The following IFT88 variants were observed in gnomAD, a reference collection of about 807,000 sequenced individuals.
The protein encoded by IFT88 is intraflagellar transport 88.
Under a neutral mutation model 119.5 loss-of-function variants are expected in IFT88, and 74 were observed. The ratio of observed to expected loss-of-function variants is 0.62; its 90% CI spans 0.51 to 0.75. The LOEUF (loss-of-function observed/expected upper bound fraction) is 0.75, where lower values mean the gene tolerates loss of function less well. Among genes scored for constraint, IFT88 ranks in the 30% least tolerant of loss-of-function variants. IFT88 has a pLI of 0.00. For missense variants in IFT88, 961 were observed against 977.7 expected (o/e 0.98, Z 0.23); for synonymous variants, 279 against 316.7 (o/e 0.88, Z 1.26).
At position 20,645,015 on chromosome 13, in the gene IFT88, T is replaced by A; in HGVS notation, c.1949+57T>A. The A allele has an allele frequency of 1.0e-5, 8 of 776,906 alleles. 1 individual carries two copies. In the Admixed American group the frequency reaches 1.7e-4, roughly 16 times the overall value. The allele number at this position is 776,906 out of a possible 1,614,324, so 48.1% of individuals were successfully genotyped here. A position where few individuals can be genotyped will look rare whatever the true frequency, so the allele number is the denominator to read the frequency against. ...AATGTCATGTCTTGAGTTTTTTTAA[T>A]CCCTAGAATTAGTATCTGATAGACC... On this transcript the variant is annotated intron_variant, in intron 20 of 25. Coordinates refer to ENST00000351808, the MANE Select transcript of IFT88 (RefSeq NM_006531.5).
intron 3 of IFT88, among the ~76,000 whole-genome samples, chr13:20,586,256 G>C (rs1245104069): frequency 1.3e-5 from 2 of 152,076 alleles, no homozygotes; most frequent in African/African-American, 4.8e-5. Context: ...TATTACATGG[G>C]AAAAAGTTTT....
In IFT88 at chr13:20,605,089, CA is replaced by C; in HGVS notation, c.1099del (p.Met367TrpfsTer14). On this transcript the variant is annotated frameshift_variant, in exon 13 of 26. Coordinates refer to ENST00000351808, the MANE Select transcript of IFT88 (RefSeq NM_006531.5). LOFTEE classifies it high-confidence loss of function. ...TEAIKNDHLRQMERERKAMAE... is the reference protein window; with the variant it reads ...TEAIKNDHLRXMERERKAMAE... ...AGCTATAAAAAATGATCACCTCAGG[CA>C]AATGGAACGTGAAAGGTAATATTTT... 1 of 1,457,318 alleles carries C rather than the reference CA, an allele frequency of 6.9e-7. No homozygotes were observed. Among genetic ancestry groups the C allele is most frequent in the Non-Finnish European group, 9.6e-7 (1 of 1,045,258 alleles). The allele number at this position is 1,457,318 out of a possible 1,614,324, so 90.3% of individuals were successfully genotyped here.
At chr13:20,669,803 AAG>A in intron 23 of IFT88, among the ~76,000 whole-genome samples, 1 of 152,276 alleles carries the variant, frequency 6.6e-6, no homozygotes, top group African/African-American at 2.4e-5. Flanking sequence ...TTTTGAAATA[AAG>A]TCAGATTATG....
chr13:20,568,934 ATGG>A (rs1198043772), intron 1 of IFT88, among the ~76,000 whole-genome samples: 1 of 151,802 alleles, frequency 6.6e-6, no homozygotes, highest in Non-Finnish European at 1.5e-5. Context: ...GTTAGCCAGG[ATGG>A]TCTCGATCTC....
intron 13 of IFT88, among the ~76,000 whole-genome samples, chr13:20,605,720 C>T (rs2043324222): frequency 6.6e-6 from 1 of 152,194 alleles, no homozygotes. Flanking sequence ...GCCTCCTGAA[C>T]TCCTGACTGA....
intron 2 of IFT88, among the ~76,000 whole-genome samples, chr13:20,579,034 T>C (rs2138165498): frequency 6.6e-6 from 1 of 152,368 alleles, no homozygotes; most frequent in East Asian, 1.9e-4. Flanking sequence ...TTTTCATTTA[T>C]TCTGCTCTGA....
At chr13:20,653,599 G>A (rs2052182416) in intron 20 of IFT88, among the ~76,000 whole-genome samples, 2 of 140,406 alleles carry the variant, frequency 1.4e-5, no homozygotes, top group Non-Finnish European at 3.1e-5. Context: ...AAAGTAGAAT[G>A]CAGTGGGTTT....
At chr13:20,628,881 T>A (rs1449877919) in intron 15 of IFT88, among the ~76,000 whole-genome samples, 7 of 152,176 alleles carry the variant, frequency 4.6e-5, no homozygotes, top group Non-Finnish European at 2.9e-5. Context: ...AGCCTTAAAG[T>A]ATTGTTATTA....
intron 22 of IFT88, among the ~76,000 whole-genome samples, chr13:20,657,848 AAAC>A (rs959760466): frequency 3.3e-5 from 5 of 152,160 alleles, no homozygotes; most frequent in African/African-American, 1.2e-4. Context: ...AATTTAGTAA[AAAC>A]AAATCTTTTC....
chr13:20,632,437 T>C lies in IFT88; in HGVS notation c.1386+1335T>C, dbSNP rs557096853. 2.6e-5 allele frequency among the ~76,000 whole-genome samples: 4 copies of C among 152,286 alleles called. No homozygotes were observed. In the South Asian group the frequency reaches 8.3e-4, roughly 32 times the overall value. On this transcript the variant is annotated intron_variant, in intron 16 of 25. Coordinates refer to ENST00000351808, the MANE Select transcript of IFT88 (RefSeq NM_006531.5). ...ACCATCTACCAGGGTGGTAAACTATTATAAGGCTACCACAACTCCTTAACT... is the reference window on the plus strand; with the variant it reads ...ACCATCTACCAGGGTGGTAAACTATCATAAGGCTACCACAACTCCTTAACT...
chr13:20,657,209 G>T (rs571444277), intron 22 of IFT88, among the ~76,000 whole-genome samples: 1 of 152,090 alleles, frequency 6.6e-6, no homozygotes, highest in African/African-American at 2.4e-5. Flanking sequence ...AATATGCTGC[G>T]TACTCAGTTG....
At position 20,596,054 on chromosome 13, in the gene IFT88, GTAAAA is replaced by G. The variant is rs59556709; in HGVS notation, c.399-66_399-62del. The stretch of plus-strand genomic sequence containing the variant: ...TGGGCAACCAAGTAAGACCTTGTCT[GTAAAA>G]TAAAATAAAATAAAATAAAATAAAA... On this transcript the variant is annotated intron_variant, in intron 7 of 25. Transcript: ENST00000351808. The G allele has an allele frequency of 2.2e-3, 473 of 210,276 alleles. 4 individuals carry two copies. The highest frequency in any genetic ancestry group is 8.5e-3 in the African/African-American group (347 of 40,594). The allele number at this position is 210,276 out of a possible 1,614,324, so 13.0% of individuals were successfully genotyped here.
chr13:20,616,676 A>G (rs1424890112), intron 14 of IFT88, among the ~76,000 whole-genome samples: 2 of 152,238 alleles, frequency 1.3e-5, no homozygotes, highest in East Asian at 3.8e-4. Context: ...GCGATGCCTT[A>G]CTGTACAGTA....
chr13:20,616,382 G>A (rs530935505), intron 14 of IFT88, among the ~76,000 whole-genome samples: 2 of 152,230 alleles, frequency 1.3e-5, no homozygotes, highest in African/African-American at 4.8e-5. Flanking sequence ...CCCTGCACAG[G>A]CATGACATTT....
At chr13:20,687,916 C>T (rs1380123781) in intron 24 of IFT88, among the ~76,000 whole-genome samples, 1 of 152,198 alleles carries the variant, frequency 6.6e-6, no homozygotes, top group Non-Finnish European at 1.5e-5. Context: ...AGATTATAGA[C>T]ACTCATGGGG....
intron 14 of IFT88, among the ~76,000 whole-genome samples, chr13:20,618,759 CT>C (rs1329120824): frequency 6.6e-6 from 1 of 151,946 alleles, no homozygotes; most frequent in Non-Finnish European, 1.5e-5. Context: ...GAAGAGAAAA[CT>C]TAGTTCTGCA....
intron 3 of IFT88, 80 bp from the exon 4 acceptor site, chr13:20,589,731 A>G (rs2040337719): frequency 2.9e-6 from 2 of 701,666 alleles, no homozygotes; most frequent in Admixed American, 4.6e-5. Flanking sequence ...TTATGAGTCT[A>G]TATTTTCTAT....
At chr13:20,675,554 T>G (rs1044256244) in intron 24 of IFT88, among the ~76,000 whole-genome samples, 68 of 152,230 alleles carry the variant, frequency 4.5e-4, no homozygotes, top group African/African-American at 1.6e-3. Flanking sequence ...GTCTGTGTTC[T>G]GATACAGTAA....
At chr13:20,606,483 T>G (rs1022006577) in intron 13 of IFT88, among the ~76,000 whole-genome samples, 4 of 152,146 alleles carry the variant, frequency 2.6e-5, no homozygotes, top group African/African-American at 9.7e-5. Context: ...AGTGGCAAGG[T>G]GGAGTGTCTC....
Sources: gnomAD v4.1 joint callset for allele counts (sites outside exome capture counted in the v4.1 genomes callset) on GRCh38, gnomAD v4.1.1 for gene constraint, MANE v1.5 for transcripts, NCBI Gene and HGNC (gene_info 2026-07-23, HGNC 2026-07-21) for gene names.